The following SLC4A5 variants were observed in gnomAD, a reference collection of about 807,000 sequenced individuals.
The protein encoded by SLC4A5 is solute carrier family 4 member 5, also known as electrogenic sodium bicarbonate cotransporter 4.
SLC4A5 carries 96 observed loss-of-function variants against 120.4 expected under a neutral mutation model. That is an observed-to-expected ratio of 0.80 (90% CI 0.68 to 0.94). The LOEUF is 0.94. Ranked by LOEUF, SLC4A5 falls within the 40% of genes least tolerant of loss-of-function variation. SLC4A5 has a pLI of 0.00. For synonymous variants in SLC4A5, 550 were observed against 571.1 expected (o/e 0.96, Z 0.53); for missense variants, 1,259 against 1,459.5 (o/e 0.86, Z 2.24).
chr2:74,252,878 A>AT (rs1206075872), intron 15 of SLC4A5, 96 bp downstream of exon 15: 9 of 1,428,892 alleles, frequency 6.3e-6, no homozygotes, highest in Non-Finnish European at 7.8e-6. Flanking sequence ...ATGAGCCACT[A>AT]TGCTGAGCCT....
intron 7 of SLC4A5, among the ~76,000 whole-genome samples, chr2:74,300,976 A>C (rs563862574): frequency 3.3e-5 from 5 of 152,292 alleles, no homozygotes; most frequent in African/African-American, 9.6e-5. Flanking sequence ...AGGAAGCATC[A>C]AATTTCTTTA....
intron 7 of SLC4A5, among the ~76,000 whole-genome samples, chr2:74,287,335 G>C (rs1672015835): frequency 6.6e-6 from 1 of 152,136 alleles, no homozygotes; most frequent in Non-Finnish European, 1.5e-5. Context: ...GGGGATGGCA[G>C]CACGGAGTGG....
At chr2:74,228,921 T>C (rs1694952966) in intron 25 of SLC4A5, among the ~76,000 whole-genome samples, 1 of 152,238 alleles carries the variant, frequency 6.6e-6, no homozygotes, top group Non-Finnish European at 1.5e-5. Context: ...GCTGTCTCTC[T>C]CAGCTGTTTC....
At chr2:74,243,793 T>C (rs951299982) in intron 19 of SLC4A5, among the ~76,000 whole-genome samples, 4 of 152,248 alleles carry the variant, frequency 2.6e-5, no homozygotes, top group African/African-American at 9.6e-5. Flanking sequence ...GAAAGAAATA[T>C]AACATGGAAA....
chr2:74,327,361 G>T (rs1353388317), intron 5 of SLC4A5, among the ~76,000 whole-genome samples: 1 of 152,086 alleles, frequency 6.6e-6, no homozygotes, highest in Non-Finnish European at 1.5e-5. Context: ...TTCCCCAAGG[G>T]CTTATCTGGG....
chr2:74,321,735 T>C (rs761981257), intron 5 of SLC4A5, among the ~76,000 whole-genome samples: 1 of 151,594 alleles, frequency 6.6e-6, no homozygotes, highest in Non-Finnish European at 1.5e-5. Context: ...TCTGCTTGCC[T>C]ATTTACAAAA....
chr2:74,254,332 T>A (rs1032685268), intron 14 of SLC4A5, among the ~76,000 whole-genome samples: 1 of 152,210 alleles, frequency 6.6e-6, no homozygotes, highest in Admixed American at 6.5e-5. Context: ...ACCTTCCTCC[T>A]GCTCCTCCTT....
Position 74,234,407 on chromosome 2 carries a change from C to CA in SLC4A5, c.2433+693dup, listed in dbSNP as rs113339574. Among the ~76,000 whole-genome samples, 206 of 152,278 alleles carry CA rather than the reference C, an allele frequency of 1.4e-3. 2 individuals carry two copies. The highest frequency in any genetic ancestry group is 4.8e-3 in the African/African-American group (200 of 41,540). On this transcript the variant is annotated intron_variant, in intron 22 of 30. Transcript: ENST00000394019. ...TTACCCAAGATGGTCTCAATCTCCT[C>CA]ACCTCATGATCCGCCCACCTCGGCC...
rs76006706 is a variant in SLC4A5, at chr2:74,267,505, C to T, written c.402-2241G>A. Among the ~76,000 whole-genome samples the T allele has an allele frequency of 2.9e-3, 434 of 152,260 alleles. 22 individuals are homozygous for T. The East Asian group carries it at 0.071, about 25-fold the overall frequency. ...TGGGTGAACTCACATACTGACAGGA[C>T]GGACACTACCATCCCATTTTATAAA... On this transcript the variant is annotated intron_variant, in intron 8 of 30. Transcript: ENST00000394019.
At chr2:74,340,442 C>T (rs1156859393) in intron 2 of SLC4A5, among the ~76,000 whole-genome samples, 1 of 152,064 alleles carries the variant, frequency 6.6e-6, no homozygotes, top group African/African-American at 2.4e-5. Context: ...CGATGAAAGG[C>T]TGAACCAGGA....
intron 3 of SLC4A5, among the ~76,000 whole-genome samples, chr2:74,334,654 G>C (rs2104348715): frequency 6.6e-6 from 1 of 151,924 alleles, no homozygotes; most frequent in East Asian, 1.9e-4. Context: ...ATGTATCTCT[G>C]ATACCTAGAA....
At chr2:74,237,702 C>T (rs921128706) in intron 21 of SLC4A5, among the ~76,000 whole-genome samples, 3 of 152,088 alleles carry the variant, frequency 2.0e-5, no homozygotes, top group African/African-American at 7.2e-5. Context: ...TGCTTAAATT[C>T]TTCCGAGTAC....
intron 11 of SLC4A5, among the ~76,000 whole-genome samples, chr2:74,260,021 T>G (rs1038347423): frequency 6.6e-6 from 1 of 152,162 alleles, no homozygotes; most frequent in East Asian, 1.9e-4. Context: ...TCACTTAGCT[T>G]GGAATTTGCT....
Position 74,315,044 on chromosome 2 carries a change from A to G in SLC4A5, c.-2-19T>C. ...TTCATGACTATAAAGTAAAAGGAAC[A>G]CAGCCTCAAAATGTATACATTAAAA... is the stretch of plus-strand genomic sequence containing the variant. On this transcript the variant is annotated intron_variant, in intron 5 of 30. Coordinates refer to ENST00000394019, the Ensembl canonical transcript of SLC4A5. 1.3e-6 allele frequency: 2 copies of G among 1,598,034 alleles called. No homozygotes were observed. Among genetic ancestry groups the G allele is most frequent in the Non-Finnish European group, 1.7e-6 (2 of 1,165,372 alleles).
intron 17 of SLC4A5, 88 bp downstream of exon 17, chr2:74,250,255 G>A (rs1670746947): frequency 1.4e-6 from 2 of 1,396,682 alleles, no homozygotes; most frequent in Non-Finnish European, 2.0e-6. Flanking sequence ...ATGAAACCTT[G>A]GTTTTGGGAT....
chr2:74,248,803 A>C (rs925835406), intron 17 of SLC4A5, among the ~76,000 whole-genome samples: 2 of 152,220 alleles, frequency 1.3e-5, no homozygotes, highest in African/African-American at 4.8e-5. Flanking sequence ...TATCCATCTG[A>C]TTATTCATTC....
chr2:74,276,329 A>C (rs1200186716), intron 8 of SLC4A5, among the ~76,000 whole-genome samples: 2 of 152,192 alleles, frequency 1.3e-5, no homozygotes, highest in Non-Finnish European at 2.9e-5. Context: ...ACTCATTTTA[A>C]TTCTCCCACA....
intron 19 of SLC4A5, among the ~76,000 whole-genome samples, chr2:74,245,036 A>T (rs916102862): frequency 1.3e-5 from 2 of 152,140 alleles, no homozygotes; most frequent in African/African-American, 4.8e-5. Context: ...GAATGGCCAA[A>T]GTGGCCAGGC....
chr2:74,266,672 A>G (rs925302944), intron 8 of SLC4A5, among the ~76,000 whole-genome samples: 1 of 152,202 alleles, frequency 6.6e-6, no homozygotes, highest in Non-Finnish European at 1.5e-5. Flanking sequence ...AATTCTTCAT[A>G]GATTAAAGTC....
Sources: allele counts gnomAD v4.1 joint callset (sites outside exome capture counted in the v4.1 genomes callset), GRCh38; gene constraint gnomAD v4.1.1; transcripts MANE v1.5; gene names NCBI Gene and HGNC (gene_info 2026-07-23, HGNC 2026-07-21).